The following DLGAP2 variants were observed in gnomAD, a reference collection of about 807,000 sequenced individuals.
The protein encoded by DLGAP2 is disks large-associated protein 2.
DLGAP2 carries 26 observed loss-of-function variants against 100.3 expected under a neutral mutation model. That is an observed-to-expected ratio of 0.26 (90% CI 0.19 to 0.36). The LOEUF (loss-of-function observed/expected upper bound fraction) is 0.36, where lower values mean the gene tolerates loss of function less well. Ranked by LOEUF, DLGAP2 falls within the 10% of genes least tolerant of loss-of-function variation. The pLI is 1.00. For missense variants in DLGAP2, 1,858 were observed against 1,453.2 expected, an observed-to-expected ratio of 1.28 and a Z score of -4.53; for synonymous variants, 886 against 630.1, an observed-to-expected ratio of 1.41 and a Z score of -6.08.
chr8:843,651 G>C (rs764269153), intron 1 of DLGAP2, among the ~76,000 whole-genome samples: 4 of 152,182 alleles, frequency 2.6e-5, no homozygotes, highest in African/African-American at 4.8e-5. Context: ...TGCTGTAAAT[G>C]GTTTTTGGGT....
At chr8:1,568,734 G>T (rs2906585) in intron 6 of DLGAP2, among the ~76,000 whole-genome samples, 5 of 83,792 alleles carry the variant, frequency 6.0e-5, no homozygotes, top group South Asian at 5.3e-4. Flanking sequence ...ACACAATTCC[G>T]CTCTGCCCGT....
At chr8:1,508,166 G>C (rs966352141) in intron 4 of DLGAP2, among the ~76,000 whole-genome samples, 1 of 151,810 alleles carries the variant, frequency 6.6e-6, no homozygotes, top group African/African-American at 2.4e-5. Context: ...TAGGATGCCA[G>C]GGCTTTTCAT....
At chr8:1,101,817 C>T (rs9774017) in intron 2 of DLGAP2, among the ~76,000 whole-genome samples, 3 of 24,896 alleles carry the variant, frequency 1.2e-4, no homozygotes, top group Non-Finnish European at 2.7e-4. Flanking sequence ...CACGACACGA[C>T]GATGGGAAGC....
rs1802378167 is a variant in DLGAP2, at chr8:1,565,870, A to G, written c.1418A>G (p.Gln473Arg). The G allele has an allele frequency of 5.0e-6, 8 of 1,610,210 alleles. No homozygotes were observed. Among genetic ancestry groups the G allele is most frequent in the Non-Finnish European group, 5.1e-6 (6 of 1,178,204 alleles). The stretch of plus-strand genomic sequence containing the variant: ...GAGCCGCTGCTGAAGTCCATCGGAC[A>G]GAGACCGCTTGGAGAGCACCAGACG... ...LPEPLLKSIG[Q>R]RPLGEHQTQT... The change falls in exon 6 of 15, where the codon CAG (glutamine) becomes CGG (arginine). Residue 473 changes from glutamine to arginine, a missense_variant. Gln to Arg is a conservative substitution (Grantham distance 43, BLOSUM62 1). Coordinates refer to ENST00000637795, the MANE Select transcript of DLGAP2 (RefSeq NM_001346810.2).
At chr8:750,610 A>G (rs1820765488) in intron 1 of DLGAP2, among the ~76,000 whole-genome samples, 1 of 152,216 alleles carries the variant, frequency 6.6e-6, no homozygotes, top group African/African-American at 2.4e-5. Flanking sequence ...CAAGTGAGCT[A>G]TTATTTTACA....
At chr8:1,264,697 C>G (rs73168493) in intron 3 of DLGAP2, among the ~76,000 whole-genome samples, 1,876 of 152,232 alleles carry the variant, frequency 0.012, 14 homozygotes, top group Middle Eastern at 0.037. Context: ...ATAGTACCCA[C>G]TTTAGATAAA....
intron 6 of DLGAP2, among the ~76,000 whole-genome samples, chr8:1,624,690 C>T (rs1443369281): frequency 6.6e-6 from 1 of 151,926 alleles, no homozygotes; most frequent in African/African-American, 2.4e-5. Flanking sequence ...GGGACAGGGC[C>T]CCTGCTGGTG....
chr8:1,565,354 C>A (rs767175991), intron 5 of DLGAP2, among the ~76,000 whole-genome samples: 3 of 150,514 alleles, frequency 2.0e-5, no homozygotes, highest in Non-Finnish European at 4.4e-5. Context: ...CTTTCAATTT[C>A]CTCTTATACC....
chr8:1,437,813 C>CAAAAA (rs59165125), intron 3 of DLGAP2, among the ~76,000 whole-genome samples: 3,888 of 85,126 alleles, frequency 0.046, 148 homozygotes, highest in East Asian at 0.11. Flanking sequence ...ACTAAAAATA[C>CAAAAA]AAAAAAAAAA....
intron 3 of DLGAP2, among the ~76,000 whole-genome samples, chr8:1,326,467 T>C (rs1282008252): frequency 1.3e-5 from 2 of 151,806 alleles, no homozygotes; most frequent in Non-Finnish European, 2.9e-5. Context: ...TTTCAGGACA[T>C]GGCACGCGCT....
At chr8:1,042,248 A>C (rs1477299775) in intron 2 of DLGAP2, among the ~76,000 whole-genome samples, 1 of 152,228 alleles carries the variant, frequency 6.6e-6, no homozygotes, top group African/African-American at 2.4e-5. Flanking sequence ...AAGCAGGGAC[A>C]TTCTTGGGGC....
intron 4 of DLGAP2, among the ~76,000 whole-genome samples, chr8:1,503,001 C>G (rs578052329): frequency 6.6e-6 from 1 of 152,228 alleles, no homozygotes; most frequent in Admixed American, 6.5e-5. Flanking sequence ...CCAGCTTTGC[C>G]TGGATTCTGA....
intron 3 of DLGAP2, among the ~76,000 whole-genome samples, chr8:1,260,155 C>A (rs531263886): frequency 6.6e-6 from 1 of 152,184 alleles, no homozygotes; most frequent in Admixed American, 6.5e-5. Flanking sequence ...CCCCTGGAGA[C>A]CCCAAGGCTG....
chr8:1,482,315 A>G (rs1246915811), intron 3 of DLGAP2, among the ~76,000 whole-genome samples: 8 of 152,222 alleles, frequency 5.3e-5, no homozygotes, highest in Non-Finnish European at 1.0e-4. Flanking sequence ...ACCGTGGTCA[A>G]CGCTGCACGA....
intron 2 of DLGAP2, among the ~76,000 whole-genome samples, chr8:1,250,965 G>A (rs1799026287): frequency 6.6e-6 from 1 of 152,196 alleles, no homozygotes; most frequent in Non-Finnish European, 1.5e-5. Context: ...ACCTCGGTAC[G>A]TGGCACAGTG....
At chr8:1,299,930 T>C (rs1800290812) in intron 3 of DLGAP2, 1 of 152,200 alleles carries the variant, frequency 6.6e-6, no homozygotes, top group Non-Finnish European at 1.5e-5. Flanking sequence ...CTCACCGTTC[T>C]GGAGGCTGAT....
intron 5 of DLGAP2, among the ~76,000 whole-genome samples, chr8:1,558,448 C>G (rs774679510): frequency 2.0e-5 from 3 of 152,150 alleles, no homozygotes; most frequent in African/African-American, 7.2e-5. Context: ...GGGCAGGAGC[C>G]TTTGCCACAG....
intron 2 of DLGAP2, among the ~76,000 whole-genome samples, chr8:965,628 C>G (rs556937599): frequency 3.2e-3 from 432 of 135,854 alleles, no homozygotes; most frequent in African/African-American, 0.013. Context: ...GCACTGCACA[C>G]GGCACTGTTC....
intron 2 of DLGAP2, among the ~76,000 whole-genome samples, chr8:1,175,809 A>G (rs1307320194): frequency 6.6e-6 from 1 of 152,220 alleles, no homozygotes; most frequent in Admixed American, 6.5e-5. Context: ...TTATTTGGGC[A>G]TGTAGTATAG....
Sources: allele counts gnomAD v4.1 joint callset (sites outside exome capture counted in the v4.1 genomes callset), GRCh38; gene constraint gnomAD v4.1.1; transcripts MANE v1.5; gene names NCBI Gene and HGNC (gene_info 2026-07-23, HGNC 2026-07-21).